MYO19: variants seen among roughly 807,000 people sequenced by gnomAD.
MYO19 encodes myosin XIX.
In MYO19, 132 loss-of-function variants were observed where a neutral mutation model predicts 129.2. That is an observed-to-expected ratio of 1.02 (90% CI 0.89 to 1.18). The LOEUF is 1.18. Ranked by LOEUF, MYO19 falls within the 50% of genes most tolerant of loss-of-function variation. MYO19 has a pLI of 0.00. For synonymous variants in MYO19, 531 were observed against 477.2 expected, an observed-to-expected ratio of 1.11 and a Z score of -1.47; for missense variants, 1,210 against 1,216.7, an observed-to-expected ratio of 0.99 and a Z score of 0.08.
At chr17:36,525,138 A>G in intron 6 of MYO19, 90 bp downstream of exon 6, 1 of 945,394 alleles carries the variant, frequency 1.1e-6, no homozygotes, top group Non-Finnish European at 1.7e-6. Context: ...GGAAGCAAAC[A>G]ACTCCACAAG....
rs555924717 is a variant in MYO19, at chr17:36,513,658, CAGG to C, written c.785_787del (p.Ser262del). ...TAAGCTCCTCTCTGGGTTGGGCAGC[CAGG>C]AGAAGGCAGCTCCCTCAGGAAGGTG... On this transcript the variant is annotated inframe_deletion, in exon 10 of 26. Coordinates refer to ENST00000614623, the MANE Select transcript of MYO19 (RefSeq NM_001163735.2). The C allele has an allele frequency of 6.8e-5, 109 of 1,613,992 alleles. No individual in the cohort carries two copies. In the African/African-American group the frequency reaches 9.7e-4, roughly 14 times the overall value.
At chr17:36,530,623 ATTTTTTT>A (rs71159612) in intron 3 of MYO19, among the ~76,000 whole-genome samples, 4 of 79,052 alleles carry the variant, frequency 5.1e-5, no homozygotes, top group African/African-American at 1.9e-4. Flanking sequence ...TGGCTTTTGT[ATTTTTTT>A]TTTTTTTTGA....
In MYO19 at chr17:36,511,919, C is replaced by A. The variant is rs149101784; in HGVS notation, c.895-464G>T. On this transcript the variant is annotated intron_variant, in intron 11 of 25. Transcript: ENST00000614623. Reference sequence around the variant, plus strand: ...CACTGTCAGGCTTCTGAGAGCCCAGCCTGCTGGAGGCACTGTGACCTTGGT... The same window carrying A: ...CACTGTCAGGCTTCTGAGAGCCCAGACTGCTGGAGGCACTGTGACCTTGGT... 9.7e-3 allele frequency among the ~76,000 whole-genome samples: 1,472 copies of A among 152,270 alleles called. 9 individuals carry two copies. Among genetic ancestry groups the A allele is most frequent in the Non-Finnish European group, 0.014 (964 of 68,018 alleles).
Position 36,500,417 on chromosome 17 carries a change from G to A in MYO19, c.2377+413C>T, listed in dbSNP as rs151124917. 1.8e-3 allele frequency: 314 copies of A among 174,992 alleles called. 2 individuals carry two copies. The highest frequency in any genetic ancestry group is 7.1e-3 in the African/African-American group (303 of 42,574). 10.8% of individuals were successfully genotyped at this position (174,992 alleles called of 1,614,324 possible). A position where few individuals can be genotyped will look rare whatever the true frequency, so the allele number is the denominator to read the frequency against. On this transcript the variant is annotated intron_variant, in intron 23 of 25. Transcript: ENST00000614623. ...TTCAAAATAAGACCACTATGAACATGTTGGTTAATACATCTTTTCATCTGA... is the reference window on the plus strand; with the variant it reads ...TTCAAAATAAGACCACTATGAACATATTGGTTAATACATCTTTTCATCTGA...
At chr17:36,499,761 T>C (rs1465498056) in intron 23 of MYO19, 1 of 146,062 alleles carries the variant, frequency 6.8e-6, no homozygotes, top group Non-Finnish European at 1.5e-5. Flanking sequence ...CGTAAGGCTG[T>C]AGCTTCAATC....
chr17:36,505,417 G>T lies in MYO19; in HGVS notation c.1798-13C>A. 2 of 1,610,272 alleles carry T rather than the reference G, an allele frequency of 1.2e-6. No individual in the cohort carries two copies. Among genetic ancestry groups the T allele is most frequent in the Non-Finnish European group, 1.7e-6 (2 of 1,176,864 alleles). On this transcript the variant is annotated splice_polypyrimidine_tract_variant and intron_variant, in intron 18 of 25. Coordinates refer to ENST00000614623, the MANE Select transcript of MYO19 (RefSeq NM_001163735.2). ...GCTCCAGTGAGGCCTGCAGATGAGA[G>T]ACCATGGGGTTAGGCAGGGAGAGGG...
At chr17:36,507,566 G>C in intron 15 of MYO19, 54 bp from the exon 16 acceptor site, 1 of 1,564,612 alleles carries the variant, frequency 6.4e-7, no homozygotes, top group Non-Finnish European at 8.8e-7. Context: ...CTGATGTCCT[G>C]ACGGGCCATC....
rs1195164407 is a variant in MYO19 at position 36,515,978 on chromosome 17, G to A, written c.427C>T (p.Arg143Cys). 15 of 1,611,960 alleles carry A rather than the reference G, an allele frequency of 9.3e-6. No homozygotes were observed. Among genetic ancestry groups the A allele is most frequent in the Non-Finnish European group, 1.3e-5 (15 of 1,179,212 alleles). ...ACAGCATAGAACTTCATTAGGCAGC[G>A]AGACGTCCATGTCTGTGGCAGAAAC... ...ESGAGKTWTS[R>C]CLMKFYAVVA... The change falls in exon 7 of 26, where the codon CGC (arginine) becomes TGC (cysteine). Residue 143 changes from arginine to cysteine, a missense_variant. Physicochemically the swap from Arg to Cys is radical, Grantham distance 180 (BLOSUM62 -3). Coordinates refer to ENST00000614623, the MANE Select transcript of MYO19 (RefSeq NM_001163735.2).
In MYO19 at chr17:36,496,176, A is replaced by T. The variant is rs1047919707; in HGVS notation, c.*75T>A. ...TGGAGCACTGTGGGAATAGTCTGGC[A>T]GCTGTGTGCTGATTAAATGTCTTTG... is the stretch of plus-strand genomic sequence containing the variant. On this transcript the variant is annotated 3_prime_UTR_variant, in exon 26 of 26. Transcript: ENST00000614623. The T allele has an allele frequency of 1.4e-5, 22 of 1,557,532 alleles. No individual in the cohort carries two copies. The African/African-American group carries it at 2.7e-4, about 19-fold the overall frequency.
At position 36,499,148 on chromosome 17, in the gene MYO19, C is replaced by T. The variant is rs1477110040; in HGVS notation, c.2390G>A (p.Trp797Ter). 2 of 1,606,112 alleles carry T rather than the reference C, an allele frequency of 1.2e-6. No individual in the cohort carries two copies. The highest frequency in any genetic ancestry group is 1.7e-6 in the Non-Finnish European group (2 of 1,175,968). The change falls in exon 24 of 26, where the codon TGG (tryptophan) becomes TAG (stop). Residue 797 changes from tryptophan to a stop codon, truncating the protein, a stop_gained. Transcript: ENST00000614623. LOFTEE classifies it high-confidence loss of function. ...CCTCTGGATGTGTTTCCGAGTTAACCAGGAACGAATGGCTAAGAGGTTTGC... is the reference window on the plus strand; with the variant it reads ...CCTCTGGATGTGTTTCCGAGTTAACTAGGAACGAATGGCTAAGAGGTTTGC... Reference protein sequence around the residue: ...VMLIQAAIRSWLTRKHIQRLH... With the variant: ...VMLIQAAIRS
chr17:36,531,516 A>G (rs943515207), intron 3 of MYO19, among the ~76,000 whole-genome samples: 9 of 152,072 alleles, frequency 5.9e-5, no homozygotes, highest in Admixed American at 3.9e-4. Context: ...TTTCCCCTAC[A>G]TACTTTAAAA....
At chr17:36,542,709 A>G (rs1337883879) in intron 1 of MYO19, among the ~76,000 whole-genome samples, 2 of 152,012 alleles carry the variant, frequency 1.3e-5, no homozygotes, top group Non-Finnish European at 2.9e-5. Context: ...AAAAAAAAAA[A>G]AAAGGTTTAA....
rs963284414 is a variant in MYO19, at chr17:36,534,046, C to T, written c.-237G>A. ...GAGCAGTTTTCTCCAGTTCTCCCAG[C>T]TCCTGCTCCAGTCGGTTTCGCGGTT... On this transcript the variant is annotated 5_prime_UTR_variant, in exon 2 of 26. Coordinates refer to ENST00000614623, the MANE Select transcript of MYO19 (RefSeq NM_001163735.2). 1 of 152,340 alleles carries T rather than the reference C, an allele frequency of 6.6e-6. No individual in the cohort carries two copies. Among genetic ancestry groups the T allele is most frequent in the African/African-American group, 2.4e-5 (1 of 41,466 alleles). 9.4% of individuals were successfully genotyped at this position (152,340 alleles called of 1,614,324 possible). A position where few individuals can be genotyped will look rare whatever the true frequency, so the allele number is the denominator to read the frequency against.
rs1278528257 is a variant in MYO19 at position 36,498,547 on chromosome 17, A to G, written c.2476T>C (p.Cys826Arg). Residue 826 changes from cysteine (C) to arginine (R), a missense_variant, in exon 25 of 26, where the codon TGC (cysteine) becomes CGC (arginine). Coordinates refer to ENST00000614623, the MANE Select transcript of MYO19 (RefSeq NM_001163735.2). ...AWQKWRIRMA[C>R]LAAKELDGVE... ...CCATCCAGCTCTTTAGCAGCAAGGC[A>G]GGCCATTCTGATCTTAAAAAGCAAA... 9 of 1,609,858 alleles carry G rather than the reference A, an allele frequency of 5.6e-6. No individual in the cohort carries two copies. The highest frequency in any genetic ancestry group is 3.3e-4 in the Middle Eastern group (2 of 6,068).
At chr17:36,507,578 A>G in intron 15 of MYO19, 66 bp from the exon 16 acceptor site, 1 of 1,510,102 alleles carries the variant, frequency 6.6e-7, no homozygotes, top group Non-Finnish European at 9.2e-7. Flanking sequence ...CGGGCCATCC[A>G]CGGCTGGCCT....
At chr17:36,497,289 TGA>T (rs1397077629) in intron 25 of MYO19, among the ~76,000 whole-genome samples, 1 of 146,224 alleles carries the variant, frequency 6.8e-6, no homozygotes, top group East Asian at 2.0e-4. Flanking sequence ...GGCGACAGAG[TGA>T]GACTCCGTCT....
In MYO19 at chr17:36,513,307, A is replaced by C. The variant is rs6607296; in HGVS notation, c.894+122T>G. 8,389 of 1,573,992 alleles carry C rather than the reference A, an allele frequency of 5.3e-3. 325 individuals are homozygous for C. In the African/African-American group the frequency reaches 0.091, roughly 17 times the overall value. On this transcript the variant is annotated intron_variant, in intron 11 of 25. Coordinates refer to ENST00000614623, the MANE Select transcript of MYO19 (RefSeq NM_001163735.2). Reference sequence around the variant, plus strand: ...AGGTGACTGATTCCTTGGAGGTAGCACAGAAGGGCCCAAAGTCCTAGATCC... The same window carrying C: ...AGGTGACTGATTCCTTGGAGGTAGCCCAGAAGGGCCCAAAGTCCTAGATCC...
At chr17:36,539,128 T>G (rs2074181433), upstream of MYO19, 1 of 167,184 alleles carries the variant, frequency 6.0e-6, no homozygotes, top group Non-Finnish European at 1.5e-5. Flanking sequence ...TTAGAATGTA[T>G]TAAGTAGTAT....
At chr17:36,523,892 G>C (rs1263612393) in intron 6 of MYO19, among the ~76,000 whole-genome samples, 2 of 152,184 alleles carry the variant, frequency 1.3e-5, no homozygotes, top group African/African-American at 4.8e-5. Context: ...TGGAGACAGG[G>C]AACAAGGTTG....
Sources: gnomAD v4.1 joint callset for allele counts (sites outside exome capture counted in the v4.1 genomes callset) on GRCh38, gnomAD v4.1.1 for gene constraint, MANE v1.5 for transcripts, NCBI Gene and HGNC (gene_info 2026-07-23, HGNC 2026-07-21) for gene names.